Variants in TMEM217 observed in about 807,000 individuals in gnomAD.
TMEM217 encodes the protein chromosome 6 open reading frame 128.
For synonymous variants in TMEM217, 76 were observed against 88.3 expected, an observed-to-expected ratio of 0.86 and a Z score of 0.78; for missense variants, 204 against 248.8, an observed-to-expected ratio of 0.82 and a Z score of 1.21.
At chr6:37,229,335 GTTTTTTTTTTTTT>G (rs372385535) in intron 1 of TMEM217, among the ~76,000 whole-genome samples, 1 of 74,368 alleles carries the variant, frequency 1.3e-5, no homozygotes, top group Non-Finnish European at 2.3e-5. Context: ...GCAACTTTCA[GTTTTTTTTTTTTT>G]TTTTTTTTTT....
chr6:37,228,641 T>C (rs1413400139), intron 1 of TMEM217, among the ~76,000 whole-genome samples: 1 of 151,500 alleles, frequency 6.6e-6, no homozygotes, highest in African/African-American at 2.4e-5. Context: ...GAGGCGGAGG[T>C]TGCAGTGAGC....
exon 2 of TMEM217, chr6:37,218,281 G>T: frequency 8.2e-7 from 1 of 1,217,058 alleles, no homozygotes; most frequent in Non-Finnish European, 1.1e-6. Context: ...TGATTCTCCA[G>T]TCTCAGCCTC....
Position 37,231,565 on chromosome 6 carries a change from C to T in TMEM217, c.-11-12524G>A, listed in dbSNP as rs567257999. On this transcript the variant is annotated intron_variant, in intron 1 of 1. Transcript: ENST00000357219. ...GCGTGCACCTGTAGTCCCAGCTATTCGGGAGGCTGAGGCAGGAGAATGGCG... is the reference window on the plus strand; with the variant it reads ...GCGTGCACCTGTAGTCCCAGCTATTTGGGAGGCTGAGGCAGGAGAATGGCG... 5.7e-4 allele frequency among the ~76,000 whole-genome samples: 84 copies of T among 147,772 alleles called. 1 individual carries two copies. The highest frequency in any genetic ancestry group is 1.4e-3 in the African/African-American group (55 of 40,316).
At chr6:37,219,253 G>A (rs1279527878) in intron 1 of TMEM217, among the ~76,000 whole-genome samples, 1 of 152,156 alleles carries the variant, frequency 6.6e-6, no homozygotes, top group Non-Finnish European at 1.5e-5. Flanking sequence ...GCAATGACCA[G>A]ATAAAATTAC....
At chr6:37,252,310 G>A (rs957561643) in intron 1 of TMEM217, among the ~76,000 whole-genome samples, 6 of 152,006 alleles carry the variant, frequency 3.9e-5, no homozygotes, top group Admixed American at 1.3e-4. Context: ...ACACAGCCCC[G>A]AGAGCTTATT....
At chr6:37,229,912 A>G (rs1291370189) in intron 1 of TMEM217, among the ~76,000 whole-genome samples, 1 of 152,178 alleles carries the variant, frequency 6.6e-6, no homozygotes, top group Admixed American at 6.5e-5. Flanking sequence ...TCCAGGTTTC[A>G]CAAGGTAGAA....
chr6:37,235,813 A>T (rs1412190460), intron 1 of TMEM217, among the ~76,000 whole-genome samples: 2 of 152,144 alleles, frequency 1.3e-5, no homozygotes, highest in African/African-American at 4.8e-5. Flanking sequence ...AGGGGACCTA[A>T]ACTAGTTCCC....
chr6:37,234,267 C>T (rs757864624), intron 1 of TMEM217, among the ~76,000 whole-genome samples: 6 of 151,880 alleles, frequency 4.0e-5, no homozygotes, highest in Non-Finnish European at 7.4e-5. Flanking sequence ...ACCCAGCTAA[C>T]TTTTGTATTT....
At chr6:37,218,191 AC>A in exon 2 of TMEM217, 1 of 1,061,726 alleles carries the variant, frequency 9.4e-7, no homozygotes, top group Admixed American at 6.1e-5. Context: ...TTTTTGGGGG[AC>A]AGAGTCTTAC....
chr6:37,221,120 C>T (rs553861492), intron 1 of TMEM217, among the ~76,000 whole-genome samples: 1 of 152,238 alleles, frequency 6.6e-6, no homozygotes, highest in African/African-American at 2.4e-5. Context: ...TGCCCCAGCT[C>T]CTGGAAACTA....
At chr6:37,255,071 C>T (rs71569370) in intron 1 of TMEM217, among the ~76,000 whole-genome samples, 1 of 152,170 alleles carries the variant, frequency 6.6e-6, no homozygotes, top group Admixed American at 6.5e-5. Context: ...CCACTCACCT[C>T]CTGCTGTGCG....
At position 37,218,682 on chromosome 6, in the gene TMEM217, T is replaced by C. The variant is rs748884888; in HGVS notation, c.349A>G (p.Asn117Asp). 2.8e-5 allele frequency: 45 copies of C among 1,613,958 alleles called. No individual in the cohort carries two copies. The highest frequency in any genetic ancestry group is 3.3e-5 in the Admixed American group (2 of 59,984). ...CTGACCTCTTTAATGTCAAAGTCAT[T>C]GTTGGTGAGGATTTGTATTACGACG... Residue 117 changes from asparagine to aspartate, a missense_variant, in exon 2 of 2, where the codon AAT (asparagine) becomes GAT (aspartate). Transcript: ENST00000357219.
chr6:37,212,901 G>T (rs746094878), downstream of TMEM217: 51 of 1,542,858 alleles, frequency 3.3e-5, no homozygotes, highest in Admixed American at 5.9e-5. Flanking sequence ...TCAGGTCAAA[G>T]ATGAAGAACT....
At chr6:37,247,513 A>G (rs1197453886) in intron 1 of TMEM217, among the ~76,000 whole-genome samples, 3 of 151,348 alleles carry the variant, frequency 2.0e-5, no homozygotes, top group African/African-American at 7.3e-5. Context: ...TCAGCCTCCC[A>G]AGTAGCTGGG....
At chr6:37,232,776 T>A (rs1764277465) in intron 1 of TMEM217, among the ~76,000 whole-genome samples, 2 of 152,242 alleles carry the variant, frequency 1.3e-5, no homozygotes, top group Admixed American at 6.5e-5. Flanking sequence ...CTTCCATTTA[T>A]CATTTCAGTT....
At chr6:37,257,833 G>A in exon 1 of TMEM217, 1 of 1,495,454 alleles carries the variant, frequency 6.7e-7, no homozygotes. Flanking sequence ...AAGCGGCCTG[G>A]GTTGGCCCTC....
downstream of TMEM217, among the ~76,000 whole-genome samples, chr6:37,213,987 C>A (rs773030373): frequency 3.3e-5 from 5 of 152,224 alleles, no homozygotes; most frequent in Non-Finnish European, 7.3e-5. Context: ...GAAGCCTGAC[C>A]TGGCCTCTCT....
At chr6:37,237,788 AAAC>A (rs1764573639) in intron 1 of TMEM217, among the ~76,000 whole-genome samples, 1 of 152,182 alleles carries the variant, frequency 6.6e-6, no homozygotes, top group Non-Finnish European at 1.5e-5. Flanking sequence ...ATACAGTTAA[AAAC>A]AACCATCTTT....
At chr6:37,253,979 T>C (rs1311511327) in intron 1 of TMEM217, among the ~76,000 whole-genome samples, 1 of 152,210 alleles carries the variant, frequency 6.6e-6, no homozygotes, top group Non-Finnish European at 1.5e-5. Context: ...AACCCTCTTT[T>C]GAATGAAGAT....
Sources: allele counts gnomAD v4.1 joint callset (sites outside exome capture counted in the v4.1 genomes callset), GRCh38; gene constraint gnomAD v4.1.1; transcripts MANE v1.5; gene names NCBI Gene and HGNC (gene_info 2026-07-23, HGNC 2026-07-21).